The following BMS1 variants were observed in gnomAD, a reference collection of about 807,000 sequenced individuals.
The protein encoded by BMS1 is ribosome biogenesis protein BMS1 homolog.
Under a neutral mutation model 138.7 loss-of-function variants are expected in BMS1, and 53 were observed. The observed-to-expected ratio is 0.38, with a 90% CI of 0.31 to 0.48. BMS1 has a LOEUF of 0.48. BMS1 is among the 20% of genes least tolerant of loss of function. The pLI, the probability that BMS1 is intolerant of heterozygous loss-of-function variation, is 0.97. For synonymous variants in BMS1, 504 were observed against 539.9 expected (o/e 0.93, Z 0.92); for missense variants, 1,360 against 1,565.5 (o/e 0.87, Z 2.22).
intron 1 of BMS1, among the ~76,000 whole-genome samples, chr10:42,783,526 A>G (rs1841228353): frequency 6.6e-6 from 1 of 152,146 alleles, no homozygotes; most frequent in African/African-American, 2.4e-5. Context: ...GAATGAATAC[A>G]GTACCTTAAT....
chr10:42,820,310 C>T lies in BMS1; in HGVS notation c.2655C>T (p.Tyr885=), dbSNP rs759149568. ...VQYEGFRPGM[Y]VRIEIENVPC... Reference sequence around the variant, plus strand: ...ATGAGGGTTTTCGACCTGGGATGTACGTCCGCATTGAGATTGAAAATGTTC... The same window carrying T: ...ATGAGGGTTTTCGACCTGGGATGTATGTCCGCATTGAGATTGAAAATGTTC... Residue 885 remains tyrosine, a synonymous_variant, in exon 16 of 23, where the codon TAC becomes TAT. Coordinates refer to ENST00000374518, the MANE Select transcript of BMS1 (RefSeq NM_014753.4). 11 of 1,613,510 alleles carry T rather than the reference C, an allele frequency of 6.8e-6. No individual in the cohort carries two copies. In the Admixed American group the frequency reaches 1.2e-4, roughly 17 times the overall value.
chr10:42,792,767 T>C (rs1293977480), intron 7 of BMS1, among the ~76,000 whole-genome samples, 153 bp downstream of exon 7: 1 of 152,198 alleles, frequency 6.6e-6, no homozygotes, highest in Non-Finnish European at 1.5e-5. Context: ...TGCAAAGGTG[T>C]TACTGAATCC....
chr10:42,804,322 A>G lies in BMS1; in HGVS notation c.2329+2104A>G, dbSNP rs1052523523. The stretch of plus-strand genomic sequence containing the variant: ...TTAAGAAATTACCCAACTGTTTTCC[A>G]AAGTGTTTATACCATTTTCCATTGC... On this transcript the variant is annotated intron_variant, in intron 13 of 22. Transcript: ENST00000374518. Among the ~76,000 whole-genome samples, 6 of 152,330 alleles carry G rather than the reference A, an allele frequency of 3.9e-5. 1 individual carries two copies. The highest frequency in any genetic ancestry group is 9.6e-5 in the African/African-American group (4 of 41,570).
rs1208567485 is a variant in BMS1 at position 42,821,064 on chromosome 10, A to C, written c.3009+72A>C. 4.1e-6 allele frequency: 5 copies of C among 1,226,998 alleles called. No individual in the cohort carries two copies. The Admixed American group carries it at 5.8e-5, about 14-fold the overall frequency. The allele number at this position is 1,226,998 out of a possible 1,614,324, so 76.0% of individuals were successfully genotyped here. A position where few individuals can be genotyped will look rare whatever the true frequency, so the allele number is the denominator to read the frequency against. On this transcript the variant is annotated intron_variant, in intron 18 of 22. Transcript: ENST00000374518. The stretch of plus-strand genomic sequence containing the variant: ...ATCCTGGGTGTGGGTTATTATGTAC[A>C]TGAGACTTTAAGTTGAAAATTACTC...
intron 13 of BMS1, among the ~76,000 whole-genome samples, chr10:42,812,981 G>A (rs1347248304): frequency 6.6e-6 from 1 of 152,188 alleles, no homozygotes; most frequent in Non-Finnish European, 1.5e-5. Context: ...TTGGGGCCCT[G>A]TGAGGCTCAA....
intron 12 of BMS1, 71 bp from the exon 13 acceptor site, chr10:42,802,066 C>T (rs1265211398): frequency 1.7e-6 from 2 of 1,203,616 alleles, no homozygotes; most frequent in Non-Finnish European, 2.4e-6. Flanking sequence ...TTGTCACCTA[C>T]TGCCATTTCT....
In BMS1 at chr10:42,793,055, C is replaced by G. The variant is rs1841563220; in HGVS notation, c.1000C>G (p.Leu334Val). The change falls in exon 8 of 23, where the codon CTG (leucine) becomes GTG (valine). Residue 334 changes from leucine to valine, a missense_variant. Coordinates refer to ENST00000374518, the MANE Select transcript of BMS1 (RefSeq NM_014753.4). Reference sequence around the variant, plus strand: ...GCGCTGTTTAAATGAGAAGGAGAAGCTGGTTTATGCGCCTCTTTCTGGAGT... The same window carrying G: ...GCGCTGTTTAAATGAGAAGGAGAAGGTGGTTTATGCGCCTCTTTCTGGAGT... ...KKRCLNEKEK[L>V]VYAPLSGVGG... is the part of the protein sequence containing the mutation. 1 of 1,614,040 alleles carries G rather than the reference C, an allele frequency of 6.2e-7. No homozygotes were observed. Among genetic ancestry groups the G allele is most frequent in the African/African-American group, 1.3e-5 (1 of 75,028 alleles).
intron 12 of BMS1, among the ~76,000 whole-genome samples, chr10:42,801,220 A>C (rs7908362): frequency 6.6e-6 from 1 of 152,130 alleles, no homozygotes; most frequent in Non-Finnish European, 1.5e-5. Flanking sequence ...GCTCATATAG[A>C]TATTTCCAGT....
chr10:42,797,209 T>A lies in BMS1; in HGVS notation c.1965T>A (p.Asn655Lys). ...LKEEEDYKEE[N>K]NDSKETSGAL... is the part of the protein sequence containing the mutation. Reference sequence around the variant, plus strand: ...AGGAAGAAGATTACAAGGAAGAAAATAATGATTCCAAAGAAACGTCAGGTA... The same window carrying A: ...AGGAAGAAGATTACAAGGAAGAAAAAAATGATTCCAAAGAAACGTCAGGTA... The change falls in exon 10 of 23, where the codon AAT (asparagine) becomes AAA (lysine). Residue 655 changes from asparagine (N) to lysine (K), a missense_variant. By Grantham distance (94) the Asn-to-Lys change is moderately conservative (BLOSUM62 0). Coordinates refer to ENST00000374518, the MANE Select transcript of BMS1 (RefSeq NM_014753.4). The A allele has an allele frequency of 6.2e-7, 1 of 1,603,894 alleles. No homozygotes were observed. Among genetic ancestry groups the A allele is most frequent in the Non-Finnish European group, 8.5e-7 (1 of 1,175,786 alleles).
At chr10:42,811,686 G>C (rs1308952393) in intron 13 of BMS1, among the ~76,000 whole-genome samples, 1 of 149,946 alleles carries the variant, frequency 6.7e-6, no homozygotes, top group Non-Finnish European at 1.5e-5. Context: ...CACTACGCCC[G>C]GCTAATTTTT....
rs763462924 is a variant in BMS1, at chr10:42,791,650, T to C, written c.660T>C (p.Ser220=). 4.3e-6 allele frequency: 7 copies of C among 1,611,248 alleles called. No individual in the cohort carries two copies. The South Asian group carries it at 6.7e-5, about 15-fold the overall frequency. The change falls in exon 6 of 23, where the codon TCT becomes TCC. Residue 220 remains serine, a synonymous_variant. Coordinates refer to ENST00000374518, the MANE Select transcript of BMS1 (RefSeq NM_014753.4). ...VYPGAKLFYL[S]GMVHGEYQNQ... ...AGGGTGCCAAGCTGTTCTACCTTTCTGGAATGGTGCATGGAGAATATCAAA... is the reference window on the plus strand; with the variant it reads ...AGGGTGCCAAGCTGTTCTACCTTTCCGGAATGGTGCATGGAGAATATCAAA...
intron 9 of BMS1, among the ~76,000 whole-genome samples, chr10:42,795,595 A>G (rs920157014): frequency 2.0e-5 from 3 of 152,018 alleles, no homozygotes; most frequent in African/African-American, 7.2e-5. Flanking sequence ...TTCTGGGATT[A>G]CAGATGTGAG....
At chr10:42,811,890 T>C (rs1842196608) in intron 13 of BMS1, among the ~76,000 whole-genome samples, 1 of 152,206 alleles carries the variant, frequency 6.6e-6, no homozygotes, top group Non-Finnish European at 1.5e-5. Flanking sequence ...TATTTATAAA[T>C]ATGTTGTTTT....
intron 13 of BMS1, among the ~76,000 whole-genome samples, chr10:42,813,103 A>C (rs1842238128): frequency 6.6e-6 from 1 of 152,056 alleles, no homozygotes; most frequent in African/African-American, 2.4e-5. Context: ...TAATATATTC[A>C]CTCCTGCTTC....
rs190532922 is a variant in BMS1, at chr10:42,790,551, C to A, written c.636+40C>A. On this transcript the variant is annotated intron_variant, in intron 5 of 22. Coordinates refer to ENST00000374518, the MANE Select transcript of BMS1 (RefSeq NM_014753.4). ...AATTGTTGGATACTAACAGTATAAT[C>A]CTTTTAAAATAGACTGAAGAGGCCG... 5.6e-3 allele frequency: 9,006 copies of A among 1,602,428 alleles called. 42 individuals carry two copies. The highest frequency in any genetic ancestry group is 7.0e-3 in the Non-Finnish European group (8,237 of 1,171,636).
intron 1 of BMS1, among the ~76,000 whole-genome samples, 183 bp downstream of exon 1, chr10:42,783,013 G>T (rs903784666): frequency 4.6e-5 from 7 of 152,028 alleles, no homozygotes; most frequent in Non-Finnish European, 1.0e-4. Context: ...GTGACGTGAT[G>T]AATCCCTGCA....
chr10:42,794,039 G>C, intron 9 of BMS1, 48 bp downstream of exon 9: 2 of 1,586,216 alleles, frequency 1.3e-6, no homozygotes, highest in Non-Finnish European at 1.7e-6. Context: ...TATTACAAAA[G>C]ATCATATCAC....
At position 42,820,243 on chromosome 10, in the gene BMS1, G is replaced by A. The variant is rs149685685; in HGVS notation, c.2588G>A (p.Arg863His). Residue 863 changes from arginine to histidine, a missense_variant, in exon 16 of 23, where the codon CGC (arginine) becomes CAC (histidine). Arg to His is a conservative substitution (Grantham distance 29, BLOSUM62 0). Around this residue, in one of 3 missense-constraint regions of BMS1, gnomAD observed 425 missense variants for 568.3 expected, o/e 0.75. Coordinates refer to ENST00000374518, the MANE Select transcript of BMS1 (RefSeq NM_014753.4). ...ATTCCCCATCATGTACAGCTGAATCGCGCAGAATTTGAAGATCAAGATGAT... is the reference window on the plus strand; with the variant it reads ...ATTCCCCATCATGTACAGCTGAATCACGCAGAATTTGAAGATCAAGATGAT... The part of the protein sequence containing the change: ...GEMQKQAQLN[R>H]AEFEDQDDEA... The A allele has an allele frequency of 2.1e-4, 340 of 1,611,224 alleles. No individual in the cohort carries two copies. The highest frequency in any genetic ancestry group is 1.1e-3 in the Admixed American group (64 of 59,996).
rs12764004 is a variant in BMS1 at position 42,823,749 on chromosome 10, G to A, written c.3421G>A (p.Val1141Ile). 299,458 of 1,594,802 alleles carry A rather than the reference G, an allele frequency of 0.19. 31,021 individuals carry two copies. The highest frequency in any genetic ancestry group is 0.37 in the East Asian group (16,738 of 44,818). Residue 1141 changes from valine (V) to isoleucine (I), a missense_variant, in exon 21 of 23, where the codon GTC becomes ATC. Physicochemically the swap from Val to Ile is conservative, Grantham distance 29. Transcript: ENST00000374518. ...TTGQLRLAHG[V>I]RLKANKDSLY... ...GGGCCAACTCAGGCTCGCCCATGGCGTCAGACTAAAGGCGAACAAGGACTC... is the reference window on the plus strand; with the variant it reads ...GGGCCAACTCAGGCTCGCCCATGGCATCAGACTAAAGGCGAACAAGGACTC...
Sources: gnomAD v4.1 joint callset for allele counts (sites outside exome capture counted in the v4.1 genomes callset) on GRCh38, gnomAD v4.1.1 for gene constraint, gnomAD v4.1.1 regional missense constraint, MANE v1.5 for transcripts, NCBI Gene and HGNC (gene_info 2026-07-23, HGNC 2026-07-21) for gene names.